Variants in PCCB observed in about 807,000 individuals in gnomAD.
PCCB encodes the protein propionyl-CoA carboxylase subunit beta.
PCCB carries 43 observed loss-of-function variants against 60.7 expected under a neutral mutation model. That is an observed-to-expected ratio of 0.71 (90% CI 0.55 to 0.91). The LOEUF is 0.91. PCCB is among the 40% of genes least tolerant of loss of function. The pLI is 0.00. For synonymous variants in PCCB, 276 were observed against 255.9 expected (o/e 1.08, Z -0.75); for missense variants, 766 against 702.8 (o/e 1.09, Z -1.02).
At position 136,250,623 on chromosome 3, in the gene PCCB, G is replaced by A. The variant is rs570284303; in HGVS notation, c.183+65G>A. 20 of 1,496,178 alleles carry A rather than the reference G, an allele frequency of 1.3e-5. No homozygotes were observed. The South Asian group carries it at 2.3e-4, about 17-fold the overall frequency. The allele number at this position is 1,496,178 out of a possible 1,614,324, so 92.7% of individuals were successfully genotyped here. ...TCCGCGACCTATCACTGCGTGCCCGGCTTGCGGCGTCCGAGGCCTCCCTGC... is the reference window on the plus strand; with the variant it reads ...TCCGCGACCTATCACTGCGTGCCCGACTTGCGGCGTCCGAGGCCTCCCTGC... On this transcript the variant is annotated intron_variant, in intron 1 of 14. Transcript: ENST00000251654.
intron 5 of PCCB, among the ~76,000 whole-genome samples, chr3:136,266,687 G>A (rs1185068957): frequency 6.6e-6 from 1 of 152,118 alleles, no homozygotes; most frequent in African/African-American, 2.4e-5. Context: ...GCATCTTTAT[G>A]TACATATTAG....
At chr3:136,274,132 A>G (rs1001431641) in intron 5 of PCCB, among the ~76,000 whole-genome samples, 3 of 151,910 alleles carry the variant, frequency 2.0e-5, no homozygotes, top group East Asian at 3.9e-4. Flanking sequence ...TACGTTCAAC[A>G]TTAATATTGA....
rs886058019 is a variant in PCCB at position 136,327,147 on chromosome 3, A to G, written c.1199-8A>G. The G allele has an allele frequency of 5.6e-6, 9 of 1,613,326 alleles. No homozygotes were observed. The highest frequency in any genetic ancestry group is 7.6e-6 in the Non-Finnish European group (9 of 1,179,432). On this transcript the variant is annotated splice_region_variant and splice_polypyrimidine_tract_variant and intron_variant, in intron 11 of 14. Coordinates refer to ENST00000251654, the MANE Select transcript of PCCB (RefSeq NM_000532.5). ...TGTGGGTATCTAGTAACTCTTCCTCATGTCTAGGCACAGCACAGGAATACG... is the reference window on the plus strand; with the variant it reads ...TGTGGGTATCTAGTAACTCTTCCTCGTGTCTAGGCACAGCACAGGAATACG...
chr3:136,307,470 T>C (rs1311847657), intron 9 of PCCB, among the ~76,000 whole-genome samples: 2 of 151,990 alleles, frequency 1.3e-5, no homozygotes, highest in Non-Finnish European at 2.9e-5. Context: ...CTAACAGATA[T>C]CATTAAAAAC....
chr3:136,274,394 G>C (rs762300132), intron 5 of PCCB, among the ~76,000 whole-genome samples: 1 of 152,074 alleles, frequency 6.6e-6, no homozygotes, highest in Admixed American at 6.5e-5. Context: ...TAGTTTTGCT[G>C]GATGCAAAAT....
intron 7 of PCCB, among the ~76,000 whole-genome samples, chr3:136,295,507 G>T (rs1322136860): frequency 6.6e-6 from 1 of 152,192 alleles, no homozygotes; most frequent in Non-Finnish European, 1.5e-5. Context: ...ATCAACTCCA[G>T]CACGGCCTGA....
chr3:136,259,219 C>A, intron 3 of PCCB: 1 of 1,328,880 alleles, frequency 7.5e-7, no homozygotes, highest in South Asian at 1.7e-5. Context: ...GTCATCTCAG[C>A]ACTTTGGGAG....
chr3:136,250,530 A>C lies in PCCB; in HGVS notation c.155A>C (p.Gln52Pro). 6.2e-7 allele frequency: 1 copy of C among 1,612,890 alleles called. No homozygotes were observed. The highest frequency in any genetic ancestry group is 2.2e-5 in the East Asian group (1 of 44,874). Reference sequence around the variant, plus strand: ...CGGACCGCGCTGCTGGGAGGGGGCCAACGCCGTATTGACGCGCAGCACAAG... The same window carrying C: ...CGGACCGCGCTGCTGGGAGGGGGCCCACGCCGTATTGACGCGCAGCACAAG... ...KRRTALLGGG[Q>P]RRIDAQHKRG... The change falls in exon 1 of 15, where the codon CAA becomes CCA. Residue 52 changes from glutamine (Q) to proline (P), a missense_variant. Coordinates refer to ENST00000251654, the MANE Select transcript of PCCB (RefSeq NM_000532.5).
intron 6 of PCCB, among the ~76,000 whole-genome samples, chr3:136,285,867 A>G (rs948137968): frequency 3.3e-5 from 5 of 152,228 alleles, no homozygotes; most frequent in African/African-American, 1.2e-4. Flanking sequence ...CCTCAGCACC[A>G]TTCTTAAGCT....
intron 6 of PCCB, among the ~76,000 whole-genome samples, chr3:136,289,881 C>T (rs758603136): frequency 6.6e-6 from 1 of 150,982 alleles, no homozygotes; most frequent in Non-Finnish European, 1.5e-5. Flanking sequence ...TTTCTGCTTC[C>T]CAGGTTGTAT....
chr3:136,321,163 C>T (rs1318111194), intron 10 of PCCB, among the ~76,000 whole-genome samples: 1 of 152,068 alleles, frequency 6.6e-6, no homozygotes, highest in Admixed American at 6.6e-5. Flanking sequence ...TGGAATAAAT[C>T]CCACTGGATC....
At chr3:136,297,410 G>A (rs1477327406) in intron 7 of PCCB, among the ~76,000 whole-genome samples, 5 of 152,160 alleles carry the variant, frequency 3.3e-5, no homozygotes, top group Non-Finnish European at 7.3e-5. Flanking sequence ...TGGCTGCTCT[G>A]TGATTTCAGA....
At chr3:136,251,724 G>GT (rs1445279095) in intron 1 of PCCB, among the ~76,000 whole-genome samples, 2 of 152,092 alleles carry the variant, frequency 1.3e-5, no homozygotes, top group Non-Finnish European at 2.9e-5. Context: ...CACTCTTTCT[G>GT]TTGGGGCCTA....
In PCCB at chr3:136,273,590, CTTTTTTCTTTT is replaced by C. The variant is rs1942258150; in HGVS notation, c.544-10240_544-10230del. ...CTTCTTTTTCTTTCTTTTTTTTTTT[CTTTTTTCTTTT>C]TTTTTTTTTTTTTTTTTTACTGTTG... On this transcript the variant is annotated intron_variant, in intron 5 of 14. Transcript: ENST00000251654. Among the ~76,000 whole-genome samples the C allele has an allele frequency of 1.5e-4, 10 of 65,616 alleles. 1 individual carries two copies. Among genetic ancestry groups the C allele is most frequent in the East Asian group, 1.1e-3 (3 of 2,762 alleles). The allele number at this position is 65,616 out of a possible 152,430, so 43.0% of individuals were successfully genotyped here.
chr3:136,261,815 A>T, intron 4 of PCCB, 137 bp from the exon 5 acceptor site: 1 of 690,202 alleles, frequency 1.4e-6, no homozygotes, highest in Non-Finnish European at 2.7e-6. Flanking sequence ...CGTGATGGGG[A>T]GTGAAACCAG....
chr3:136,261,921 G>A (rs1382101771), intron 4 of PCCB, 31 bp from the exon 5 acceptor site: 1 of 1,365,226 alleles, frequency 7.3e-7, no homozygotes, highest in Non-Finnish European at 1.0e-6. Context: ...AAGAACATTT[G>A]TCTCAATAAA....
chr3:136,298,145 C>A lies in PCCB; in HGVS notation c.884+73C>A, dbSNP rs557564553. 19 of 1,597,350 alleles carry A rather than the reference C, an allele frequency of 1.2e-5. 1 individual carries two copies. In the South Asian group the frequency reaches 1.9e-4, roughly 16 times the overall value. ...CCTTTCTCTGCCCTGACAGGACCCC[C>A]AGGGTCTGCCTTGTTGGGCAAGTTG... On this transcript the variant is annotated intron_variant, in intron 8 of 14. Transcript: ENST00000251654.
intron 9 of PCCB, among the ~76,000 whole-genome samples, chr3:136,303,148 G>A (rs1404394641): frequency 8.2e-6 from 1 of 122,464 alleles, no homozygotes; most frequent in African/African-American, 2.5e-5. Context: ...TCCTTGTCTT[G>A]CATTGGCTAC....
Position 136,326,816 on chromosome 3 carries a change from T to C in PCCB, c.1104T>C (p.Ile368=), listed in dbSNP as rs768328410. 6 of 1,603,108 alleles carry C rather than the reference T, an allele frequency of 3.7e-6. No individual in the cohort carries two copies. The highest frequency in any genetic ancestry group is 4.3e-6 in the Non-Finnish European group (5 of 1,170,014). The stretch of plus-strand genomic sequence containing the variant: ...CTCTCTTTCTAGGATGCTTGGATAT[T>C]AATTCATCTGTGAAAGGGGCTCGTT... ...QPKVASGCLD[I]NSSVKGARFV... is the part of the protein sequence containing the mutation. The change falls in exon 11 of 15, where the codon ATT becomes ATC. Residue 368 remains isoleucine, a synonymous_variant. Transcript: ENST00000251654.
Sources: allele counts gnomAD v4.1 joint callset (sites outside exome capture counted in the v4.1 genomes callset), GRCh38; gene constraint gnomAD v4.1.1; transcripts MANE v1.5; gene names NCBI Gene and HGNC (gene_info 2026-07-23, HGNC 2026-07-21).